Variants in ARL15 observed in about 807,000 individuals in gnomAD.
ARL15 encodes ARF like GTPase 15, also known as ADP-ribosylation factor-like protein 15.
Under a neutral mutation model 25.2 loss-of-function variants are expected in ARL15, and 19 were observed. That is an observed-to-expected ratio of 0.75 (90% confidence interval 0.53 to 1.10). The LOEUF (loss-of-function observed/expected upper bound fraction) is 1.10. Among genes scored for constraint, ARL15 ranks in the 50% least tolerant of loss-of-function variants. The pLI is 0.00. For missense variants in ARL15, 220 were observed against 246.0 expected (o/e 0.89, Z 0.71); for synonymous variants, 94 against 86.8 (o/e 1.08, Z -0.46).
rs557368702 is a variant in ARL15, at chr5:53,945,939, C to A, written c.463-59226G>T. Among the ~76,000 whole-genome samples, 14 of 152,336 alleles carry A rather than the reference C, an allele frequency of 9.2e-5. No homozygotes were observed. In the South Asian group the frequency reaches 2.5e-3, roughly 27 times the overall value. ...AGCATCAGACAGCAGCACAAGTCAGCAGCACTGAAGTGGAGACACCACAGG... is the reference window on the plus strand; with the variant it reads ...AGCATCAGACAGCAGCACAAGTCAGAAGCACTGAAGTGGAGACACCACAGG... On this transcript the variant is annotated intron_variant, in intron 4 of 4. Transcript: ENST00000504924.
intron 4 of ARL15, among the ~76,000 whole-genome samples, chr5:53,966,857 TC>T (rs1239353314): frequency 6.6e-6 from 1 of 152,142 alleles, no homozygotes; most frequent in Admixed American, 6.5e-5. Flanking sequence ...CAGAAATCTG[TC>T]CTCAGAAACT....
chr5:54,055,059 CAG>C (rs1750821709), intron 4 of ARL15, among the ~76,000 whole-genome samples: 2 of 152,260 alleles, frequency 1.3e-5, no homozygotes, highest in African/African-American at 2.4e-5. Context: ...TTAGTACATA[CAG>C]AGTTTTGCGA....
intron 4 of ARL15, among the ~76,000 whole-genome samples, chr5:54,060,129 TAAAA>T (rs1165458695): frequency 3.9e-5 from 3 of 77,582 alleles, no homozygotes; most frequent in Admixed American, 3.2e-4. Context: ...ATCTGATGAC[TAAAA>T]AAAAAAAAAA....
At chr5:54,091,549 T>C (rs184282565) in intron 4 of ARL15, among the ~76,000 whole-genome samples, 1 of 152,094 alleles carries the variant, frequency 6.6e-6, no homozygotes, top group African/African-American at 2.4e-5. Flanking sequence ...ATCCAGAGAC[T>C]GTCTGCAGAG....
chr5:53,925,269 T>G (rs533112380), intron 4 of ARL15, among the ~76,000 whole-genome samples: 31 of 151,982 alleles, frequency 2.0e-4, no homozygotes, highest in African/African-American at 7.5e-4. Flanking sequence ...CAATCATGGC[T>G]CACTGCAGCC....
intron 4 of ARL15, among the ~76,000 whole-genome samples, chr5:53,976,786 G>A (rs1485188376): frequency 6.6e-6 from 1 of 152,206 alleles, no homozygotes; most frequent in East Asian, 1.9e-4. Context: ...GGAGGCAGGT[G>A]TAGGGAGCTG....
At chr5:54,259,339 T>A (rs13156373) in intron 1 of ARL15, among the ~76,000 whole-genome samples, 1 of 152,158 alleles carries the variant, frequency 6.6e-6, no homozygotes, top group Non-Finnish European at 1.5e-5. Context: ...CCATTCCTGA[T>A]GACTCACACC....
At chr5:53,960,930 T>C (rs1442513813) in intron 4 of ARL15, among the ~76,000 whole-genome samples, 1 of 152,202 alleles carries the variant, frequency 6.6e-6, no homozygotes, top group Non-Finnish European at 1.5e-5. Flanking sequence ...CACCTATCAC[T>C]GCAGGAAACA....
chr5:54,009,274 C>T (rs1447662722), intron 4 of ARL15, among the ~76,000 whole-genome samples: 1 of 152,220 alleles, frequency 6.6e-6, no homozygotes, highest in Non-Finnish European at 1.5e-5. Flanking sequence ...CTGGCAGGAA[C>T]TTCAAGTAAC....
intron 1 of ARL15, among the ~76,000 whole-genome samples, chr5:54,206,741 G>C (rs1755881516): frequency 6.6e-6 from 1 of 152,168 alleles, no homozygotes; most frequent in Admixed American, 6.5e-5. Flanking sequence ...AGCTAGCATG[G>C]TCAAGAAGTA....
intron 4 of ARL15, among the ~76,000 whole-genome samples, chr5:53,964,625 G>A (rs1436425837): frequency 6.6e-6 from 1 of 152,172 alleles, no homozygotes; most frequent in Non-Finnish European, 1.5e-5. Context: ...CTCCCAAAGT[G>A]CTGGGATTAC....
At position 54,301,928 on chromosome 5, in the gene ARL15, G is replaced by C. The variant is rs116509025; in HGVS notation, c.48+8504C>G. Among the ~76,000 whole-genome samples, 1,401 of 152,352 alleles carry C rather than the reference G, an allele frequency of 9.2e-3. 8 individuals carry two copies. The highest frequency in any genetic ancestry group is 0.02 in the Middle Eastern group (6 of 294). On this transcript the variant is annotated intron_variant, in intron 1 of 4. Coordinates refer to ENST00000504924, the MANE Select transcript of ARL15 (RefSeq NM_019087.3). ...GGAACTTGATAAATGAGATTGGCTTGCAAATGCAACTTTTCAGATGGTGAG... is the reference window on the plus strand; with the variant it reads ...GGAACTTGATAAATGAGATTGGCTTCCAAATGCAACTTTTCAGATGGTGAG...
intron 1 of ARL15, among the ~76,000 whole-genome samples, chr5:54,290,513 G>A (rs533567058): frequency 2.6e-5 from 4 of 151,838 alleles, no homozygotes; most frequent in Non-Finnish European, 5.9e-5. Context: ...TCACCATGTT[G>A]GCCAGGATGG....
intron 4 of ARL15, among the ~76,000 whole-genome samples, chr5:54,003,662 TTCTATCTA>T (rs34463762): frequency 0.36 from 49,162 of 137,674 alleles, 8,458 homozygotes; most frequent in African/African-American, 0.41. Context: ...AATATTTTCT[TTCTATCTA>T]TCTATCTATC....
chr5:54,083,362 T>C (rs1751864051), intron 4 of ARL15, among the ~76,000 whole-genome samples: 1 of 152,218 alleles, frequency 6.6e-6, no homozygotes, highest in Non-Finnish European at 1.5e-5. Flanking sequence ...GATGCAATGG[T>C]ACACTTTAAT....
At chr5:53,984,749 T>C (rs1748233328) in intron 4 of ARL15, among the ~76,000 whole-genome samples, 1 of 152,210 alleles carries the variant, frequency 6.6e-6, no homozygotes, top group Non-Finnish European at 1.5e-5. Context: ...TTTGCTAAGG[T>C]TAGATTATTC....
intron 4 of ARL15, among the ~76,000 whole-genome samples, chr5:54,096,263 T>G (rs1296499103): frequency 6.6e-6 from 1 of 152,184 alleles, no homozygotes; most frequent in Non-Finnish European, 1.5e-5. Flanking sequence ...ATCTGTTATA[T>G]GTAGGTTATT....
intron 1 of ARL15, among the ~76,000 whole-genome samples, chr5:54,218,981 T>A (rs1284766000): frequency 9.3e-6 from 1 of 106,964 alleles, no homozygotes; most frequent in Non-Finnish European, 2.1e-5. Context: ...AAACTGCTAC[T>A]GCTGTTTTTT....
chr5:53,953,680 T>A (rs1747050016), intron 4 of ARL15, among the ~76,000 whole-genome samples: 1 of 152,118 alleles, frequency 6.6e-6, no homozygotes, highest in African/African-American at 2.4e-5. Context: ...GGAAATACAT[T>A]TTGTAATGCC....
Sources: gnomAD v4.1 joint callset for allele counts (sites outside exome capture counted in the v4.1 genomes callset) on GRCh38, gnomAD v4.1.1 for gene constraint, MANE v1.5 for transcripts, NCBI Gene and HGNC (gene_info 2026-07-23, HGNC 2026-07-21) for gene names.